The following NTRK3 variants were observed in gnomAD, a reference collection of about 807,000 sequenced individuals.
NTRK3 encodes the protein neurotrophic receptor tyrosine kinase 3.
A neutral mutation model predicts 91.7 loss-of-function variants in NTRK3; 24 were observed. That is an observed-to-expected ratio of 0.26 (90% CI 0.19 to 0.37). NTRK3 has a LOEUF of 0.37. Ranked by LOEUF, NTRK3 falls within the 10% of genes least tolerant of loss-of-function variation. The probability of loss-of-function intolerance (pLI) is 1.00; values close to 1 mark genes in which losing one functional copy is unlikely to be tolerated. For missense variants in NTRK3, 880 were observed against 1,068.9 expected (o/e 0.82, Z 2.46); for synonymous variants, 483 against 404.0 (o/e 1.20, Z -2.34).
intron 16 of NTRK3, chr15:87,931,129 C>T: frequency 2.2e-6 from 1 of 461,836 alleles, no homozygotes. Flanking sequence ...TCTTTATTTC[C>T]CTCCTACTAT....
At chr15:88,254,378 A>T (rs1598206310) in intron 3 of NTRK3, among the ~76,000 whole-genome samples, 1 of 151,254 alleles carries the variant, frequency 6.6e-6, no homozygotes, top group Admixed American at 6.6e-5. Flanking sequence ...CTCCCTGCTG[A>T]CCCCCGCCCC....
intron 5 of NTRK3, among the ~76,000 whole-genome samples, chr15:88,182,047 A>G (rs1165514734): frequency 1.3e-5 from 2 of 152,126 alleles, no homozygotes; most frequent in African/African-American, 2.4e-5. Context: ...AAGAACACAC[A>G]TCAGGAGACT....
intron 14 of NTRK3, among the ~76,000 whole-genome samples, chr15:88,027,993 AAG>A (rs1410417502): frequency 6.6e-6 from 1 of 152,158 alleles, no homozygotes; most frequent in Non-Finnish European, 1.5e-5. Context: ...CGAGAAATGA[AAG>A]AGGTGTTAAA....
intron 13 of NTRK3, among the ~76,000 whole-genome samples, chr15:88,115,075 G>A (rs1051081006): frequency 6.6e-6 from 1 of 152,162 alleles, no homozygotes; most frequent in African/African-American, 2.4e-5. Flanking sequence ...GGAGTCAGTA[G>A]GCATGGGCTT....
intron 13 of NTRK3, among the ~76,000 whole-genome samples, chr15:88,053,899 C>G (rs1301781456): frequency 6.6e-6 from 1 of 152,196 alleles, no homozygotes; most frequent in Non-Finnish European, 1.5e-5. Context: ...GCCTCAAGTT[C>G]TCTTCCCTGA....
chr15:87,943,099 C>T (rs911583249), intron 14 of NTRK3, among the ~76,000 whole-genome samples: 2 of 152,030 alleles, frequency 1.3e-5, no homozygotes, highest in Non-Finnish European at 2.9e-5. Context: ...TTGCTGGGCT[C>T]CTCCACCAGG....
intron 3 of NTRK3, among the ~76,000 whole-genome samples, chr15:88,199,320 C>T (rs756386471): frequency 1.7e-4 from 26 of 152,140 alleles, no homozygotes; most frequent in Non-Finnish European, 2.1e-4. Context: ...TCATGTCGTC[C>T]GGTACTCTTT....
intron 13 of NTRK3, among the ~76,000 whole-genome samples, chr15:88,097,258 A>G (rs1285836752): frequency 6.6e-6 from 1 of 152,260 alleles, no homozygotes; most frequent in Non-Finnish European, 1.5e-5. Context: ...AGTGCTGGTT[A>G]AAGAGGTGTG....
At chr15:88,144,323 C>A (rs937864215) in intron 6 of NTRK3, among the ~76,000 whole-genome samples, 4 of 152,192 alleles carry the variant, frequency 2.6e-5, no homozygotes, top group African/African-American at 9.6e-5. Context: ...GGTACGCCCC[C>A]CTGGACAGAG....
chr15:87,945,428 G>A (rs2070362750), intron 14 of NTRK3, among the ~76,000 whole-genome samples: 1 of 152,176 alleles, frequency 6.6e-6, no homozygotes, highest in Non-Finnish European at 1.5e-5. Context: ...ATATGTGTGG[G>A]ATTCACTTCT....
chr15:88,139,529 C>T (rs1017741119), intron 6 of NTRK3, among the ~76,000 whole-genome samples: 1 of 152,142 alleles, frequency 6.6e-6, no homozygotes, highest in Non-Finnish European at 1.5e-5. Flanking sequence ...ACTAGGACAC[C>T]GGAGGCAGAA....
intron 13 of NTRK3, among the ~76,000 whole-genome samples, chr15:88,087,225 C>G (rs377141319): frequency 6.6e-6 from 1 of 152,184 alleles, no homozygotes; most frequent in African/African-American, 2.4e-5. Context: ...GAGAACAGTA[C>G]TGCAGAGTAA....
At chr15:88,248,784 T>C (rs1279048439) in intron 3 of NTRK3, among the ~76,000 whole-genome samples, 10 of 152,252 alleles carry the variant, frequency 6.6e-5, no homozygotes. Flanking sequence ...CTTGGCACAG[T>C]GTCTAGAACA....
chr15:88,013,185 A>G (rs1434938129), intron 14 of NTRK3, among the ~76,000 whole-genome samples: 2 of 150,088 alleles, frequency 1.3e-5, no homozygotes, highest in African/African-American at 2.5e-5. Context: ...AAGACCCACT[A>G]CCAGCAGCTG....
chr15:88,136,756 T>C lies in NTRK3; in HGVS notation c.623-147A>G, dbSNP rs528147529. 9.4e-4 allele frequency: 889 copies of C among 941,628 alleles called. 1 individual carries two copies. Among genetic ancestry groups the C allele is most frequent in the South Asian group, 2.1e-3 (123 of 59,450 alleles). The allele number at this position is 941,628 out of a possible 1,614,324, so 58.3% of individuals were successfully genotyped here. On this transcript the variant is annotated intron_variant, in intron 7 of 18. Coordinates refer to ENST00000394480, the Ensembl canonical transcript of NTRK3. ...CTTGAGTTCTTGGAAGACCCGCAAA[T>C]CCAAGACGCTTTACATCACCTCCCC...
exon 19 of NTRK3, chr15:87,860,750 C>A (rs562510713): frequency 1.4e-5 from 3 of 210,510 alleles, no homozygotes; most frequent in African/African-American, 6.8e-5. Flanking sequence ...CTTTGGGATC[C>A]AAATGATAGG....
intron 17 of NTRK3, among the ~76,000 whole-genome samples, chr15:87,902,960 G>T (rs1277754015): frequency 6.6e-6 from 1 of 151,990 alleles, no homozygotes; most frequent in Non-Finnish European, 1.5e-5. Flanking sequence ...GAGCTTCACT[G>T]GCCATAAAGC....
intron 15 of NTRK3, among the ~76,000 whole-genome samples, chr15:87,939,362 C>T (rs1272626781): frequency 6.6e-6 from 1 of 152,142 alleles, no homozygotes; most frequent in Non-Finnish European, 1.5e-5. Flanking sequence ...ATTATTATTG[C>T]TATTATACAG....
At chr15:88,114,773 A>C (rs1009599866) in intron 13 of NTRK3, among the ~76,000 whole-genome samples, 3 of 152,198 alleles carry the variant, frequency 2.0e-5, no homozygotes, top group Non-Finnish European at 4.4e-5. Context: ...TGAAACTAAC[A>C]TTTTTACTCC....
Sources: gnomAD v4.1 joint callset for allele counts (sites outside exome capture counted in the v4.1 genomes callset) on GRCh38, gnomAD v4.1.1 for gene constraint, MANE v1.5 for transcripts, NCBI Gene and HGNC (gene_info 2026-07-23, HGNC 2026-07-21) for gene names.